GRIP1: variants seen among roughly 807,000 people sequenced by gnomAD.
GRIP1 encodes the protein glutamate receptor interacting protein 1.
A neutral mutation model predicts 129.9 loss-of-function variants in GRIP1; 45 were observed. The observed-to-expected ratio is 0.35, with a 90% CI of 0.27 to 0.44. The LOEUF (loss-of-function observed/expected upper bound fraction) is 0.44, where lower values mean the gene tolerates loss of function less well. Among genes scored for constraint, GRIP1 ranks in the 20% least tolerant of loss-of-function variants. GRIP1 has a pLI of 1.00. For missense variants in GRIP1, 1,196 were observed against 1,396.8 expected (o/e 0.86, Z 2.29); for synonymous variants, 530 against 520.8 (o/e 1.02, Z -0.24).
intron 1 of GRIP1, among the ~76,000 whole-genome samples, chr12:66,614,736 G>A (rs76125612): frequency 0.02 from 3,011 of 152,206 alleles, 100 homozygotes; most frequent in African/African-American, 0.068. Flanking sequence ...AAGGCCGTCT[G>A]TAATCCGACC....
At chr12:66,422,638 G>A (rs1457839869) in intron 14 of GRIP1, among the ~76,000 whole-genome samples, 1 of 152,062 alleles carries the variant, frequency 6.6e-6, no homozygotes, top group Non-Finnish European at 1.5e-5. Flanking sequence ...AATAGTAGAG[G>A]CAACAAAATA....
In GRIP1 at chr12:66,518,046, A is replaced by G. The variant is rs193046189; in HGVS notation, c.503-70T>C. 4 of 874,686 alleles carry G rather than the reference A, an allele frequency of 4.6e-6. No individual in the cohort carries two copies. In the East Asian group the frequency reaches 7.2e-5, roughly 16 times the overall value. 54.2% of individuals were successfully genotyped at this position (874,686 alleles called of 1,614,324 possible). On this transcript the variant is annotated intron_variant, in intron 5 of 24. Coordinates refer to ENST00000359742, the MANE Select transcript of GRIP1 (RefSeq NM_001366722.1). The stretch of plus-strand genomic sequence containing the variant: ...GCATTTAAAAAAAATCACCTACAAG[A>G]TATCAGCTGAGAAATGTCCTACTTG...
At chr12:66,708,226 C>T (rs565273207) in intron 1 of GRIP1, among the ~76,000 whole-genome samples, 3 of 151,882 alleles carry the variant, frequency 2.0e-5, no homozygotes, top group South Asian at 4.1e-4. Context: ...AATGAGGTTG[C>T]TCATAATGCT....
intron 1 of GRIP1, among the ~76,000 whole-genome samples, chr12:66,790,833 A>C (rs7135857): frequency 0.063 from 9,506 of 152,088 alleles, 1,011 homozygotes; most frequent in African/African-American, 0.22. Context: ...GGAGGCGGAG[A>C]TAGCCCAGGA....
intron 7 of GRIP1, among the ~76,000 whole-genome samples, chr12:66,508,671 T>C (rs911865703): frequency 6.6e-6 from 1 of 152,102 alleles, no homozygotes. Flanking sequence ...ATTTTAGTTA[T>C]TGTTCCATCT....
intron 1 of GRIP1, among the ~76,000 whole-genome samples, chr12:67,028,690 G>T (rs1363634993): frequency 6.6e-6 from 1 of 152,148 alleles, no homozygotes; most frequent in Non-Finnish European, 1.5e-5. Context: ...TCGTGGCAAT[G>T]ATTTAAGAAG....
At chr12:67,009,560 CA>C (rs966994238) in intron 1 of GRIP1, among the ~76,000 whole-genome samples, 15 of 152,174 alleles carry the variant, frequency 9.9e-5, no homozygotes, top group African/African-American at 3.1e-4. Flanking sequence ...TTAACACCTG[CA>C]GTCCATGCTG....
intron 11 of GRIP1, among the ~76,000 whole-genome samples, chr12:66,455,105 AATC>A (rs2058918598): frequency 6.6e-6 from 1 of 152,228 alleles, no homozygotes; most frequent in African/African-American, 2.4e-5. Context: ...TTAAAGGAAA[AATC>A]ATATCTTTGG....
rs12322427 is a variant in GRIP1, at chr12:66,548,048, G to A, written c.137-6098C>T. Among the ~76,000 whole-genome samples the A allele has an allele frequency of 1.6e-4, 25 of 152,238 alleles. No individual in the cohort carries two copies. The East Asian group carries it at 2.1e-3, about 13-fold the overall frequency. ...ATATGATTCAATTGGTCTGGAGTAC[G>A]CCTAGGCATCAGTATTTGAAAAGTT... On this transcript the variant is annotated intron_variant, in intron 2 of 24. Transcript: ENST00000359742.
At chr12:66,549,177 C>T (rs2062043385) in intron 2 of GRIP1, among the ~76,000 whole-genome samples, 4 of 152,116 alleles carry the variant, frequency 2.6e-5, no homozygotes, top group Admixed American at 2.6e-4. Context: ...GGAACATTCA[C>T]AGGTCCTCCC....
At chr12:66,970,277 T>A (rs889041835) in intron 1 of GRIP1, among the ~76,000 whole-genome samples, 1 of 152,146 alleles carries the variant, frequency 6.6e-6, no homozygotes, top group Non-Finnish European at 1.5e-5. Context: ...AGATGGGGTT[T>A]TACCATGTTG....
At chr12:67,009,513 C>T (rs1289929254) in intron 1 of GRIP1, among the ~76,000 whole-genome samples, 1 of 152,160 alleles carries the variant, frequency 6.6e-6, no homozygotes, top group Non-Finnish European at 1.5e-5. Flanking sequence ...CTATCATTCT[C>T]AGAGTGATTT....
chr12:66,725,517 T>C (rs953342703), intron 1 of GRIP1, among the ~76,000 whole-genome samples: 13 of 152,184 alleles, frequency 8.5e-5, no homozygotes, highest in African/African-American at 2.7e-4. Flanking sequence ...ATACTGCTTT[T>C]ACAAAATGAG....
intron 11 of GRIP1, among the ~76,000 whole-genome samples, chr12:66,446,761 A>C (rs944559426): frequency 5.9e-5 from 9 of 152,034 alleles, no homozygotes; most frequent in African/African-American, 1.9e-4. Context: ...ATGCTTCTTC[A>C]ACTCTCTTCA....
chr12:66,885,470 G>A (rs941735418), intron 1 of GRIP1, among the ~76,000 whole-genome samples: 34 of 152,214 alleles, frequency 2.2e-4, no homozygotes, highest in African/African-American at 8.0e-4. Flanking sequence ...AACAAAGCCA[G>A]GAGTAGATGG....
chr12:66,479,931 G>A lies in GRIP1; in HGVS notation c.725-14509C>T, dbSNP rs1309208693. 4.6e-5 allele frequency among the ~76,000 whole-genome samples: 7 copies of A among 152,140 alleles called. No homozygotes were observed. In the East Asian group the frequency reaches 7.7e-4, roughly 17 times the overall value. ...GATGGAACGTATCTCAAAATAATAA[G>A]AGCTATTTATGACAAACCCACAGCC... is the stretch of plus-strand genomic sequence containing the variant. On this transcript the variant is annotated intron_variant, in intron 7 of 24. Coordinates refer to ENST00000359742, the MANE Select transcript of GRIP1 (RefSeq NM_001366722.1).
At chr12:67,030,516 TG>T (rs2043007326) in intron 1 of GRIP1, among the ~76,000 whole-genome samples, 1 of 152,114 alleles carries the variant, frequency 6.6e-6, no homozygotes, top group African/African-American at 2.4e-5. Flanking sequence ...GTTTCCAATC[TG>T]GAATTGTACT....
At chr12:66,752,955 G>A (rs1243268678) in intron 1 of GRIP1, among the ~76,000 whole-genome samples, 2 of 152,020 alleles carry the variant, frequency 1.3e-5, no homozygotes, top group East Asian at 3.9e-4. Flanking sequence ...AGACAACAAT[G>A]GAGAACTATA....
chr12:66,456,450 A>G, intron 9 of GRIP1, 108 bp from the exon 10 acceptor site: 1 of 532,530 alleles, frequency 1.9e-6, no homozygotes. Flanking sequence ...ATAACAAAAA[A>G]GAAAGCTGCT....
Sources: gnomAD v4.1 joint callset for allele counts (sites outside exome capture counted in the v4.1 genomes callset) on GRCh38, gnomAD v4.1.1 for gene constraint, MANE v1.5 for transcripts, NCBI Gene and HGNC (gene_info 2026-07-23, HGNC 2026-07-21) for gene names.